IGF1R: variants seen among roughly 807,000 people sequenced by gnomAD.
IGF1R encodes insulin like growth factor 1 receptor, also known as insulin-like growth factor 1 receptor.
A neutral mutation model predicts 144.6 loss-of-function variants in IGF1R; 44 were observed. The observed-to-expected ratio is 0.30, with a 90% CI of 0.24 to 0.39. The LOEUF is 0.39. IGF1R is among the 10% of genes least tolerant of loss of function. The probability of loss-of-function intolerance (pLI) is 1.00; values close to 1 mark genes in which losing one functional copy is unlikely to be tolerated. For synonymous variants in IGF1R, 795 were observed against 722.8 expected (o/e 1.10, Z -1.60); for missense variants, 1,355 against 1,833.7 (o/e 0.74, Z 4.77).
Position 98,658,775 on chromosome 15 carries a change from G to C in IGF1R, c.94+9100G>C, listed in dbSNP as rs562933014. Among the ~76,000 whole-genome samples the C allele has an allele frequency of 2.0e-5, 3 of 152,270 alleles. No individual in the cohort carries two copies. In the South Asian group the frequency reaches 6.2e-4, roughly 32 times the overall value. On this transcript the variant is annotated intron_variant, in intron 1 of 20. Transcript: ENST00000650285. ...TTTTGAGTTCATAACCCACGGTTTT[G>C]CTGGTTGACAGTGATTTGTCTTGTT...
intron 3 of IGF1R, among the ~76,000 whole-genome samples, chr15:98,896,076 CAA>C (rs2014179697): frequency 6.6e-6 from 1 of 152,104 alleles, no homozygotes; most frequent in South Asian, 2.1e-4. Context: ...GTATTTGAAA[CAA>C]GAGCTCATTA....
At chr15:98,796,546 T>C (rs2056246428) in intron 2 of IGF1R, among the ~76,000 whole-genome samples, 1 of 152,200 alleles carries the variant, frequency 6.6e-6, no homozygotes, top group Non-Finnish European at 1.5e-5. Context: ...GAGCATACTT[T>C]TGTCGATCAA....
chr15:98,742,961 T>C (rs1035640533), intron 2 of IGF1R, among the ~76,000 whole-genome samples: 7 of 152,104 alleles, frequency 4.6e-5, no homozygotes, highest in African/African-American at 1.7e-4. Flanking sequence ...CACTTGAACC[T>C]GGGAGGAGGA....
chr15:98,669,951 T>G (rs2052846067), intron 1 of IGF1R, among the ~76,000 whole-genome samples: 1 of 152,078 alleles, frequency 6.6e-6, no homozygotes, highest in African/African-American at 2.4e-5. Context: ...GTGACTGGTG[T>G]TGCTTTTACT....
Position 98,935,704 on chromosome 15 carries a change from C to G in IGF1R, c.3297+278C>G, listed in dbSNP as rs796113472. On this transcript the variant is annotated intron_variant, in intron 17 of 20. Coordinates refer to ENST00000650285, the MANE Select transcript of IGF1R (RefSeq NM_000875.5). This position sits in a 1 kb window ranked among gnomAD's most constrained non-coding sequence, Gnocchi z 4.2. ...ATTCCCTCCACCCCCAGTCCCCTCCCCACATCAGTGTCCACCTGCCAAGCC... is the reference window on the plus strand; with the variant it reads ...ATTCCCTCCACCCCCAGTCCCCTCCGCACATCAGTGTCCACCTGCCAAGCC... 7.2e-5 allele frequency among the ~76,000 whole-genome samples: 11 copies of G among 152,222 alleles called. No homozygotes were observed. The highest frequency in any genetic ancestry group is 2.2e-4 in the African/African-American group (9 of 41,540).
chr15:98,929,274 A>G (rs1363245851), intron 13 of IGF1R, among the ~76,000 whole-genome samples: 1 of 152,146 alleles, frequency 6.6e-6, no homozygotes, highest in African/African-American at 2.4e-5. Flanking sequence ...GCGTACAAAG[A>G]TTATTTTTCT....
intron 1 of IGF1R, among the ~76,000 whole-genome samples, chr15:98,669,131 G>A (rs1441575190): frequency 6.6e-6 from 1 of 152,198 alleles, no homozygotes. Context: ...CATCCTGTGA[G>A]CAGTTTAGAG....
At chr15:98,934,241 A>G (rs1459838434) in intron 15 of IGF1R, among the ~76,000 whole-genome samples, 1 of 151,878 alleles carries the variant, frequency 6.6e-6, no homozygotes, top group Non-Finnish European at 1.5e-5. Flanking sequence ...CAGGCATAGC[A>G]TCTGTGTTGA....
chr15:98,799,021 T>C (rs976223651), intron 2 of IGF1R, among the ~76,000 whole-genome samples: 2 of 152,168 alleles, frequency 1.3e-5, no homozygotes, highest in Non-Finnish European at 2.9e-5. Flanking sequence ...ATTATGTGTG[T>C]CCTGGTATGT....
intron 2 of IGF1R, among the ~76,000 whole-genome samples, chr15:98,830,286 A>G (rs1051648340): frequency 3.3e-5 from 5 of 152,146 alleles, no homozygotes; most frequent in Admixed American, 6.5e-5. Flanking sequence ...AGCCACACAG[A>G]TAGGTTCTGT....
intron 2 of IGF1R, among the ~76,000 whole-genome samples, chr15:98,714,579 T>TG (rs1281404358): frequency 1.3e-5 from 2 of 150,936 alleles, no homozygotes; most frequent in Non-Finnish European, 1.5e-5. Context: ...CCTGGGGAGA[T>TG]GGAGGTTACA....
intron 2 of IGF1R, among the ~76,000 whole-genome samples, chr15:98,859,324 AAATT>A (rs1408026811): frequency 1.3e-5 from 2 of 152,262 alleles, no homozygotes; most frequent in Non-Finnish European, 2.9e-5. Context: ...CTGGAAAAAT[AAATT>A]GTCTACCTCA....
chr15:98,773,435 G>A (rs369844148), intron 2 of IGF1R, among the ~76,000 whole-genome samples: 61 of 152,254 alleles, frequency 4.0e-4, no homozygotes, highest in Admixed American at 1.7e-3. Context: ...ATTGCTTACC[G>A]CTCCAGACAA....
rs1251327272 is a variant in IGF1R at position 98,649,375 on chromosome 15, C to A, written c.-207C>A. ...GCCGCTGCTGCCGGCGCTGAGGGGC[C>A]GCCCCGCGCCGCCCGCCCCGTCCGC... On this transcript the variant is annotated 5_prime_UTR_variant, in exon 1 of 21. Transcript: ENST00000650285. The A allele has an allele frequency of 6.6e-5, 18 of 271,550 alleles. No homozygotes were observed. In the East Asian group the frequency reaches 1.0e-3, roughly 16 times the overall value. The allele number at this position is 271,550 out of a possible 1,614,324, so 16.8% of individuals were successfully genotyped here. A position where few individuals can be genotyped will look rare whatever the true frequency, so the allele number is the denominator to read the frequency against.
At chr15:98,832,817 CA>C (rs1340162736) in intron 2 of IGF1R, among the ~76,000 whole-genome samples, 1 of 152,190 alleles carries the variant, frequency 6.6e-6, no homozygotes, top group Admixed American at 6.5e-5. Context: ...ATGGTTTATA[CA>C]ATTTCTGGCA....
chr15:98,917,185 C>T (rs2015293321), intron 10 of IGF1R, among the ~76,000 whole-genome samples: 1 of 152,094 alleles, frequency 6.6e-6, no homozygotes, highest in Admixed American at 6.5e-5. Context: ...AGGGGAAACT[C>T]AAAGAGTATT....
Position 98,962,604 on chromosome 15 carries a change from A to T in IGF1R, c.*5162A>T. 4.3e-6 allele frequency: 1 copy of T among 233,832 alleles called. No homozygotes were observed. The highest frequency in any genetic ancestry group is 6.0e-5 in the East Asian group (1 of 16,584). 14.5% of individuals were successfully genotyped at this position (233,832 alleles called of 1,614,324 possible). Reference sequence around the variant, plus strand: ...ACTGGTTGCGTCATTTGGAGAAGTGAGTGCTCCTTGATGGTGGAATGACCG... The same window carrying T: ...ACTGGTTGCGTCATTTGGAGAAGTGTGTGCTCCTTGATGGTGGAATGACCG... On this transcript the variant is annotated 3_prime_UTR_variant, in exon 21 of 21. Transcript: ENST00000650285.
intron 2 of IGF1R, among the ~76,000 whole-genome samples, chr15:98,791,560 T>C (rs2056127586): frequency 6.6e-6 from 1 of 152,212 alleles, no homozygotes; most frequent in Non-Finnish European, 1.5e-5. Flanking sequence ...GAAAAGTCCT[T>C]ATACCATCTG....
At chr15:98,699,348 G>A (rs1300832303) in intron 1 of IGF1R, among the ~76,000 whole-genome samples, 1 of 152,212 alleles carries the variant, frequency 6.6e-6, no homozygotes, top group African/African-American at 2.4e-5. Flanking sequence ...CTATCTCCTG[G>A]TGTCCTGCTT....
Sources: gnomAD v4.1 joint callset for allele counts (sites outside exome capture counted in the v4.1 genomes callset) on GRCh38, gnomAD v4.1.1 for gene constraint, Gnocchi (gnomAD v3.1) non-coding constraint, MANE v1.5 for transcripts, NCBI Gene and HGNC (gene_info 2026-07-23, HGNC 2026-07-21) for gene names.